Variants in DNAH10 observed in about 807,000 individuals in gnomAD.
DNAH10 encodes axonemal beta dynein heavy chain 10.
In DNAH10, 348 loss-of-function variants were observed where a neutral mutation model predicts 506.6. The observed-to-expected ratio is 0.69, with a 90% CI of 0.63 to 0.75. The LOEUF is 0.75. Among genes scored for constraint, DNAH10 ranks in the 30% least tolerant of loss-of-function variants. The pLI is 0.00. For missense variants in DNAH10, 5,179 were observed against 5,787.1 expected (o/e 0.89, Z 3.41); for synonymous variants, 2,059 against 2,198.6 (o/e 0.94, Z 1.78).
In DNAH10 at chr12:123,813,361, T is replaced by G; in HGVS notation, c.3342T>G (p.Tyr1114Ter). The G allele has an allele frequency of 6.2e-7, 1 of 1,614,248 alleles. No homozygotes were observed. The highest frequency in any genetic ancestry group is 1.3e-5 in the African/African-American group (1 of 75,060). ...LMKYLQKWKRYRPLWKLDKAI... is the reference protein window; with the variant it reads ...LMKYLQKWKR ...AGTATCTACAAAAATGGAAGCGGTA[T>G]CGACCTCTCTGGAAATTGGACAAAG... Residue 1114 changes from tyrosine to a stop codon, truncating the protein, a stop_gained, in exon 20 of 79, where the codon TAT becomes TAG. Coordinates refer to ENST00000673944, the MANE Select transcript of DNAH10 (RefSeq NM_001372106.1). LOFTEE classifies it high-confidence loss of function.
chr12:123,913,043 T>C lies in DNAH10; in HGVS notation c.10135-55T>C. ...TGTGGCCTGGTTTGAGGCCATGGGA[T>C]CGCGGCCCCACCACGGTCCTTTTCC... On this transcript the variant is annotated intron_variant, in intron 59 of 78. Transcript: ENST00000673944. The surrounding 1 kb of genome is among the most constrained non-coding windows in gnomAD (Gnocchi z 5.1). 1 of 1,518,898 alleles carries C rather than the reference T, an allele frequency of 6.6e-7. No homozygotes were observed. The highest frequency in any genetic ancestry group is 8.9e-7 in the Non-Finnish European group (1 of 1,120,588). The allele number at this position is 1,518,898 out of a possible 1,614,324, so 94.1% of individuals were successfully genotyped here.
In DNAH10 at chr12:123,841,398, CAGA is replaced by C. The variant is rs1565977424; in HGVS notation, c.5216_5218del (p.Glu1739del). ...AAACTGGTGTCCGCGATGATTTCAGCAGAAGGAGAAGTCATGGAGTTTCGGAAG... is the reference window on the plus strand; with the variant it reads ...AAACTGGTGTCCGCGATGATTTCAGCAGGAGAAGTCATGGAGTTTCGGAAG... On this transcript the variant is annotated inframe_deletion, in exon 30 of 79. Coordinates refer to ENST00000673944, the MANE Select transcript of DNAH10 (RefSeq NM_001372106.1). 1.2e-6 allele frequency: 2 copies of C among 1,613,982 alleles called. No individual in the cohort carries two copies. Among genetic ancestry groups the C allele is most frequent in the Non-Finnish European group, 8.5e-7 (1 of 1,179,876 alleles).
At chr12:123,884,705 G>A (rs1412700406) in intron 51 of DNAH10, among the ~76,000 whole-genome samples, 1 of 152,196 alleles carries the variant, frequency 6.6e-6, no homozygotes, top group Non-Finnish European at 1.5e-5. Flanking sequence ...TTTTGTGTGT[G>A]TGTGTGGGGA....
At chr12:123,856,298 GTA>G (rs1446046578) in intron 36 of DNAH10, among the ~76,000 whole-genome samples, 1 of 148,590 alleles carries the variant, frequency 6.7e-6, no homozygotes, top group African/African-American at 2.5e-5. Flanking sequence ...AAATATATAT[GTA>G]TGTGTATATA....
chr12:123,847,199 TATCC>T (rs1384221779), intron 32 of DNAH10, among the ~76,000 whole-genome samples: 2 of 149,690 alleles, frequency 1.3e-5, no homozygotes, highest in East Asian at 2.0e-4. Flanking sequence ...TCCATGTATC[TATCC>T]ATCCATCCAT....
At chr12:123,900,892 G>A (rs577875673) in intron 56 of DNAH10, among the ~76,000 whole-genome samples, 1 of 152,236 alleles carries the variant, frequency 6.6e-6, no homozygotes, top group East Asian at 1.9e-4. Flanking sequence ...GGGGAGAGAG[G>A]GCTCTTCTTT....
chr12:123,879,024 T>C (rs942121815), intron 48 of DNAH10, among the ~76,000 whole-genome samples: 4 of 152,222 alleles, frequency 2.6e-5, no homozygotes, highest in African/African-American at 9.6e-5. Context: ...CAACGCTCTT[T>C]TTTTCTTTCC....
At chr12:123,875,535 T>A in intron 47 of DNAH10, 44 bp downstream of exon 47, 1 of 1,607,980 alleles carries the variant, frequency 6.2e-7, no homozygotes, top group Non-Finnish European at 8.5e-7. Context: ...AGACCTTGTG[T>A]TGGGGGGAAA....
intron 19 of DNAH10, among the ~76,000 whole-genome samples, chr12:123,811,556 A>G (rs2136342452): frequency 6.6e-6 from 1 of 151,726 alleles, no homozygotes; most frequent in African/African-American, 2.4e-5. Context: ...GCTGGAGTGC[A>G]GTGGTGCAAT....
At chr12:123,847,211 C>T (rs1313432756) in intron 32 of DNAH10, among the ~76,000 whole-genome samples, 1 of 145,578 alleles carries the variant, frequency 6.9e-6, no homozygotes, top group Non-Finnish European at 1.5e-5. Context: ...TCCATCCATC[C>T]ATCCTATTAT....
chr12:123,813,087 A>G (rs1272776673), intron 19 of DNAH10, 77 bp from the exon 20 acceptor site: 2 of 1,002,292 alleles, frequency 2.0e-6, no homozygotes, highest in East Asian at 2.4e-5. Context: ...AAGACTTATT[A>G]CTGAATACTA....
At chr12:123,844,752 C>T (rs1014641119) in intron 30 of DNAH10, among the ~76,000 whole-genome samples, 1 of 152,126 alleles carries the variant, frequency 6.6e-6, no homozygotes, top group African/African-American at 2.4e-5. Context: ...AATCCTCCCA[C>T]CTCAGCCTCC....
Position 123,867,468 on chromosome 12 carries a change from T to C in DNAH10, c.7169T>C (p.Val2390Ala), listed in dbSNP as rs763116950. The change falls in exon 42 of 79, where the codon GTG (valine) becomes GCG (alanine). Residue 2390 changes from valine (V) to alanine (A), a missense_variant and splice_region_variant. Physicochemically the swap from Val to Ala is moderately conservative, Grantham distance 64. This residue lies in a region of DNAH10 where 4,844 missense variants were observed against 5,430.5 expected (regional missense o/e 0.89). Coordinates refer to ENST00000673944, the MANE Select transcript of DNAH10 (RefSeq NM_001372106.1). ...KKWVNQIPNK[V>A]EQYNLNSLFE... ...CTTTGGAATGCTACTTTTTTATAGG[T>C]GGAGCAATACAATTTGAATAGTCTC... 5.6e-6 allele frequency: 9 copies of C among 1,611,698 alleles called. No homozygotes were observed. In the South Asian group the frequency reaches 1.0e-4, roughly 18 times the overall value.
intron 26 of DNAH10, 64 bp downstream of exon 26, chr12:123,830,763 G>A (rs1025151881): frequency 6.8e-7 from 1 of 1,472,818 alleles, no homozygotes; most frequent in Admixed American, 2.5e-5. Context: ...GAGAAAATAG[G>A]GAGAACTCAT....
At chr12:123,839,685 C>G (rs1180375938) in intron 29 of DNAH10, among the ~76,000 whole-genome samples, 1 of 114,112 alleles carries the variant, frequency 8.8e-6, no homozygotes, top group Non-Finnish European at 1.7e-5. Context: ...TTTTTTGAGA[C>G]AGAGTCTCAC....
Position 123,913,392 on chromosome 12 carries a change from C to A in DNAH10, c.10352+77C>A. 7.1e-7 allele frequency: 1 copy of A among 1,408,114 alleles called. No homozygotes were observed. The highest frequency in any genetic ancestry group is 9.5e-7 in the Non-Finnish European group (1 of 1,052,324). The allele number at this position is 1,408,114 out of a possible 1,614,324, so 87.2% of individuals were successfully genotyped here. ...CACAGAGTTTCTCGCCATGTTGATTCTTTATCTCACGTTGTGTTTTTATGT... is the reference window on the plus strand; with the variant it reads ...CACAGAGTTTCTCGCCATGTTGATTATTTATCTCACGTTGTGTTTTTATGT... On this transcript the variant is annotated intron_variant, in intron 60 of 78. Coordinates refer to ENST00000673944, the MANE Select transcript of DNAH10 (RefSeq NM_001372106.1). This position sits in a 1 kb window ranked among gnomAD's most constrained non-coding sequence, Gnocchi z 5.1.
chr12:123,819,377 C>A, intron 23 of DNAH10, 127 bp downstream of exon 23: 1 of 716,296 alleles, frequency 1.4e-6, no homozygotes, highest in Non-Finnish European at 2.3e-6. Context: ...TCCTCAAATA[C>A]TTTTTTCTTG....
At chr12:123,769,898 T>TG (rs1372904302) in intron 2 of DNAH10, among the ~76,000 whole-genome samples, 1 of 148,212 alleles carries the variant, frequency 6.7e-6, no homozygotes, top group Non-Finnish European at 1.5e-5. Flanking sequence ...GGACTACAGA[T>TG]GTGTGCCACC....
At chr12:123,813,103 T>C in intron 19 of DNAH10, 61 bp from the exon 20 acceptor site, 1 of 1,251,236 alleles carries the variant, frequency 8.0e-7, no homozygotes, top group Non-Finnish European at 1.1e-6. Flanking sequence ...TACTAATATG[T>C]ACGTTGGAGG....
Sources: allele counts gnomAD v4.1 joint callset (sites outside exome capture counted in the v4.1 genomes callset), GRCh38; gene constraint gnomAD v4.1.1; regional missense constraint gnomAD v4.1.1; non-coding constraint Gnocchi (gnomAD v3.1); transcripts MANE v1.5; gene names NCBI Gene and HGNC (gene_info 2026-07-23, HGNC 2026-07-21).